ABI3BP: variants seen among roughly 807,000 people sequenced by gnomAD.
The protein encoded by ABI3BP is target of Nesh-SH3.
In ABI3BP, 216 loss-of-function variants were observed where a neutral mutation model predicts 268.6. The ratio of observed to expected loss-of-function variants is 0.80; its 90% CI spans 0.72 to 0.90. The LOEUF is 0.90. Ranked by LOEUF, ABI3BP falls within the 40% of genes least tolerant of loss-of-function variation. The pLI is 0.00. For missense variants in ABI3BP, 2,090 were observed against 2,182.4 expected (o/e 0.96, Z 0.84); for synonymous variants, 730 against 730.0 (o/e 1.00, Z 0.00).
At chr3:100,755,311 ATAGT>A (rs1197240085) in intron 63 of ABI3BP, among the ~76,000 whole-genome samples, 1 of 152,208 alleles carries the variant, frequency 6.6e-6, no homozygotes, top group South Asian at 2.1e-4. Flanking sequence ...AGACTAAGCT[ATAGT>A]TAGTCTGTTT....
intron 22 of ABI3BP, among the ~76,000 whole-genome samples, 153 bp downstream of exon 22, chr3:100,840,667 A>C (rs2098681286): frequency 6.6e-6 from 1 of 152,150 alleles, no homozygotes; most frequent in African/African-American, 2.4e-5. Flanking sequence ...AACTATACCT[A>C]TAGGAATTAA....
intron 9 of ABI3BP, among the ~76,000 whole-genome samples, chr3:100,872,707 C>T (rs1417121401): frequency 6.6e-6 from 1 of 152,106 alleles, no homozygotes; most frequent in African/African-American, 2.4e-5. Flanking sequence ...AAACACAGAT[C>T]CACTGAGGGA....
chr3:100,858,569 C>T (rs1219320268), intron 14 of ABI3BP, among the ~76,000 whole-genome samples: 2 of 152,122 alleles, frequency 1.3e-5, no homozygotes, highest in Non-Finnish European at 2.9e-5. Context: ...TTTGCTGATA[C>T]AGAATATGTT....
At chr3:100,895,410 A>G (rs770682022) in intron 4 of ABI3BP, among the ~76,000 whole-genome samples, 4 of 152,226 alleles carry the variant, frequency 2.6e-5, no homozygotes, top group Admixed American at 2.6e-4. Context: ...AAAACAAAAC[A>G]AAAACAATGA....
chr3:100,802,514 G>A (rs1481694052), intron 51 of ABI3BP, among the ~76,000 whole-genome samples: 3 of 152,266 alleles, frequency 2.0e-5, no homozygotes, highest in Admixed American at 6.5e-5. Context: ...CATGGAGTGT[G>A]GGCCCGATTT....
Position 100,749,871 on chromosome 3 carries a change from CTTTT to C in ABI3BP, c.*620_*623del, listed in dbSNP as rs924571867. 3.3e-5 allele frequency: 13 copies of C among 395,708 alleles called. 1 individual carries two copies. Among genetic ancestry groups the C allele is most frequent in the Admixed American group, 2.6e-4 (6 of 22,692 alleles). The allele number at this position is 395,708 out of a possible 1,614,324, so 24.5% of individuals were successfully genotyped here. A position where few individuals can be genotyped will look rare whatever the true frequency, so the allele number is the denominator to read the frequency against. ...CTGAAATGAAATTTACTGATTCAAT[CTTTT>C]TAAGAATTTGTGGATGTTTAAAGGA... is the stretch of plus-strand genomic sequence containing the variant. On this transcript the variant is annotated 3_prime_UTR_variant, in exon 68 of 68. Coordinates refer to ENST00000471714, the MANE Select transcript of ABI3BP (RefSeq NM_001375547.2).
At chr3:100,816,302 A>G in intron 43 of ABI3BP, 1 of 456,344 alleles carries the variant, frequency 2.2e-6, no homozygotes, top group Non-Finnish European at 3.9e-6. Context: ...AGAAATATAT[A>G]TGAAAGTAAC....
At chr3:100,832,493 A>G (rs1300667152) in intron 30 of ABI3BP, 143 bp from the exon 31 acceptor site, 2 of 749,694 alleles carry the variant, frequency 2.7e-6, no homozygotes, top group Admixed American at 2.9e-5. Context: ...TTTCTCCTTC[A>G]GTATCTTAAT....
rs180905800 is a variant in ABI3BP at position 100,941,753 on chromosome 3, T to C, written c.80-15272A>G. On this transcript the variant is annotated intron_variant, in intron 1 of 67. Coordinates refer to ENST00000471714, the MANE Select transcript of ABI3BP (RefSeq NM_001375547.2). ...AGCAGTAACTACATTACTGACTTTGTAACCCAACCAACAGCCAAGTAGGAA... is the reference window on the plus strand; with the variant it reads ...AGCAGTAACTACATTACTGACTTTGCAACCCAACCAACAGCCAAGTAGGAA... Among the ~76,000 whole-genome samples the C allele has an allele frequency of 3.3e-5, 5 of 152,314 alleles. No homozygotes were observed. The East Asian group carries it at 9.7e-4, about 29-fold the overall frequency.
chr3:100,807,802 A>G (rs1257733556), intron 50 of ABI3BP, among the ~76,000 whole-genome samples: 1 of 152,050 alleles, frequency 6.6e-6, no homozygotes, highest in Non-Finnish European at 1.5e-5. Context: ...GAAAAATTTC[A>G]AATTAGATGA....
Position 100,749,616 on chromosome 3 carries a change from A to C in ABI3BP, c.*879T>G, listed in dbSNP as rs1277662163. On this transcript the variant is annotated 3_prime_UTR_variant, in exon 68 of 68. Coordinates refer to ENST00000471714, the MANE Select transcript of ABI3BP (RefSeq NM_001375547.2). ...CATTCATAGAGGTCTTAACGTATAA[A>C]TACATAGTAAATATCCTATAAAATG... 1 of 398,258 alleles carries C rather than the reference A, an allele frequency of 2.5e-6. No individual in the cohort carries two copies. The highest frequency in any genetic ancestry group is 4.4e-5 in the Admixed American group (1 of 22,702). 24.7% of individuals were successfully genotyped at this position (398,258 alleles called of 1,614,324 possible). A position where few individuals can be genotyped will look rare whatever the true frequency, so the allele number is the denominator to read the frequency against.
chr3:100,756,283 G>A (rs1050758282), intron 63 of ABI3BP, among the ~76,000 whole-genome samples: 1 of 152,156 alleles, frequency 6.6e-6, no homozygotes, highest in Non-Finnish European at 1.5e-5. Flanking sequence ...CCAGCACTTC[G>A]GGAGGCCGAG....
Position 100,851,872 on chromosome 3 carries a change from T to C in ABI3BP, c.1351+3A>G, listed in dbSNP as rs2098843904. ...AAAGACAGAATTGAGAGGCCAGATA[T>C]ACCTGTGTAGGAATCTGATATCTCA... On this transcript the variant is annotated splice_donor_region_variant and intron_variant, in intron 15 of 67. Transcript: ENST00000471714. The C allele has an allele frequency of 1.9e-6, 3 of 1,591,162 alleles. No homozygotes were observed. Among genetic ancestry groups the C allele is most frequent in the South Asian group, 1.2e-5 (1 of 85,964 alleles).
intron 1 of ABI3BP, among the ~76,000 whole-genome samples, chr3:100,943,875 A>T (rs1422589179): frequency 6.6e-6 from 1 of 152,146 alleles, no homozygotes; most frequent in Non-Finnish European, 1.5e-5. Flanking sequence ...ATTTTTTCCA[A>T]GAAAAAGTGA....
In ABI3BP at chr3:100,907,520, C is replaced by CA. The variant is rs377522616; in HGVS notation, c.260-4835dup. Among the ~76,000 whole-genome samples, 643 of 151,966 alleles carry CA rather than the reference C, an allele frequency of 4.2e-3. 4 individuals carry two copies. The highest frequency in any genetic ancestry group is 0.014 in the African/African-American group (596 of 41,428). ...GGGGGAATAAAAGCTGTAACAATGT[C>CA]AACACAAGAAGTATGAATTAAGTAT... On this transcript the variant is annotated intron_variant, in intron 2 of 67. Coordinates refer to ENST00000471714, the MANE Select transcript of ABI3BP (RefSeq NM_001375547.2).
intron 1 of ABI3BP, among the ~76,000 whole-genome samples, chr3:100,937,875 C>T (rs573375487): frequency 5.3e-5 from 8 of 152,094 alleles, no homozygotes; most frequent in African/African-American, 1.9e-4. Context: ...TTAAGCAGGG[C>T]AGTCACTGTC....
Position 100,838,302 on chromosome 3 carries a change from G to A in ABI3BP, c.2009-18C>T. ...TTTTGAACCTGAAGAAAATTAGAGT[G>A]CCATAATTAGTGTTACGGCTGAGCT... On this transcript the variant is annotated intron_variant, in intron 25 of 67. Coordinates refer to ENST00000471714, the MANE Select transcript of ABI3BP (RefSeq NM_001375547.2). 1 of 1,534,564 alleles carries A rather than the reference G, an allele frequency of 6.5e-7. No individual in the cohort carries two copies. Among genetic ancestry groups the A allele is most frequent in the South Asian group, 1.2e-5 (1 of 84,004 alleles).
chr3:100,859,254 C>G (rs1420676409), intron 14 of ABI3BP, among the ~76,000 whole-genome samples: 1 of 151,986 alleles, frequency 6.6e-6, no homozygotes, highest in Non-Finnish European at 1.5e-5. Flanking sequence ...ACAGAGAAAA[C>G]AGAATGTGCT....
intron 58 of ABI3BP, among the ~76,000 whole-genome samples, chr3:100,779,603 G>GAC (rs896227217): frequency 1.4e-5 from 2 of 142,256 alleles, no homozygotes; most frequent in East Asian, 2.0e-4. Context: ...GTAAGAGAAA[G>GAC]ACTCTCTCTC....
Sources: gnomAD v4.1 joint callset for allele counts (sites outside exome capture counted in the v4.1 genomes callset) on GRCh38, gnomAD v4.1.1 for gene constraint, MANE v1.5 for transcripts, NCBI Gene and HGNC (gene_info 2026-07-23, HGNC 2026-07-21) for gene names.